Variants in IL1RAP observed in about 807,000 individuals in gnomAD.
IL1RAP encodes the protein interleukin-1 receptor accessory protein.
IL1RAP carries 35 observed loss-of-function variants against 60.7 expected under a neutral mutation model. The ratio of observed to expected loss-of-function variants is 0.58; its 90% CI spans 0.44 to 0.76. The LOEUF is 0.76. Ranked by LOEUF, IL1RAP falls within the 30% of genes least tolerant of loss-of-function variation. The pLI, the probability that IL1RAP is intolerant of heterozygous loss-of-function variation, is 0.00. For synonymous variants in IL1RAP, 268 were observed against 250.9 expected, an observed-to-expected ratio of 1.07 and a Z score of -0.64; for missense variants, 572 against 693.9, an observed-to-expected ratio of 0.82 and a Z score of 1.97.
At chr3:190,562,302 T>C (rs1193265540) in intron 2 of IL1RAP, among the ~76,000 whole-genome samples, 1 of 152,128 alleles carries the variant, frequency 6.6e-6, no homozygotes, top group Non-Finnish European at 1.5e-5. Flanking sequence ...CCTCTTTCCT[T>C]TGCTAATCTT....
At chr3:190,561,283 C>T (rs542505177) in intron 2 of IL1RAP, among the ~76,000 whole-genome samples, 1 of 152,320 alleles carries the variant, frequency 6.6e-6, no homozygotes, top group South Asian at 2.1e-4. Flanking sequence ...CCAGCATTCT[C>T]TGAGAGGTTT....
intron 3 of IL1RAP, among the ~76,000 whole-genome samples, chr3:190,594,662 ACT>A (rs1729231880): frequency 6.6e-6 from 1 of 152,206 alleles, no homozygotes; most frequent in Non-Finnish European, 1.5e-5. Flanking sequence ...TATGTGCCTA[ACT>A]GAAAGTCCCC....
intron 1 of IL1RAP, chr3:190,518,463 A>G (rs1210009274): frequency 6.6e-6 from 1 of 152,194 alleles, no homozygotes; most frequent in Non-Finnish European, 1.5e-5. Flanking sequence ...TATCTTAAAT[A>G]TATCATCTCA....
intron 1 of IL1RAP, among the ~76,000 whole-genome samples, chr3:190,555,184 T>C (rs1215376211): frequency 6.6e-6 from 1 of 152,158 alleles, no homozygotes; most frequent in Non-Finnish European, 1.5e-5. Flanking sequence ...GGTGACTGGA[T>C]CTTAGTCCAC....
chr3:190,540,977 G>C (rs142041252), intron 1 of IL1RAP, among the ~76,000 whole-genome samples: 10 of 152,164 alleles, frequency 6.6e-5, no homozygotes, highest in African/African-American at 2.2e-4. Context: ...AACTTTACCT[G>C]GTAATTGAGG....
At chr3:190,636,855 C>G (rs1054152299) in intron 9 of IL1RAP, among the ~76,000 whole-genome samples, 11 of 151,934 alleles carry the variant, frequency 7.2e-5, no homozygotes, top group African/African-American at 2.4e-4. Context: ...TGTTGTCCAC[C>G]TGTCTTTATT....
Position 190,620,288 on chromosome 3 carries a change from T to C in IL1RAP, c.551T>C (p.Ile184Thr). 1 of 1,536,774 alleles carries C rather than the reference T, an allele frequency of 6.5e-7. No homozygotes were observed. The highest frequency in any genetic ancestry group is 8.9e-7 in the Non-Finnish European group (1 of 1,128,820). Residue 184 changes from isoleucine to threonine, a missense_variant, in exon 6 of 12, where the codon ATA becomes ACA. Coordinates refer to ENST00000447382, the MANE Select transcript of IL1RAP (RefSeq NM_002182.4). ...TACTTTTTCTAGGGCTGTTATAAAA[T>C]ACAGAATTTTAATAATGTAATACCC... ...TITWYMGCYK[I>T]QNFNNVIPEG...
chr3:190,657,520 G>C (rs1734654633), exon 12 of IL1RAP: 1 of 152,030 alleles, frequency 6.6e-6, no homozygotes, highest in South Asian at 2.1e-4. Context: ...TTCTGAGAAG[G>C]GATAATAAAT....
At chr3:190,593,952 A>G (rs1180052045) in intron 3 of IL1RAP, among the ~76,000 whole-genome samples, 1 of 152,258 alleles carries the variant, frequency 6.6e-6, no homozygotes, top group Non-Finnish European at 1.5e-5. Context: ...TTGAGGAACA[A>G]AAAGAATATA....
At chr3:190,638,748 G>T (rs1167223486) in intron 9 of IL1RAP, among the ~76,000 whole-genome samples, 1 of 151,848 alleles carries the variant, frequency 6.6e-6, no homozygotes, top group Non-Finnish European at 1.5e-5. Flanking sequence ...TTCATGAATG[G>T]TGTGTAGTAG....
At chr3:190,618,689 A>C (rs564388002) in intron 5 of IL1RAP, among the ~76,000 whole-genome samples, 12 of 152,242 alleles carry the variant, frequency 7.9e-5, no homozygotes, top group Non-Finnish European at 1.8e-4. Context: ...AATCTGACAT[A>C]AACTTATAAG....
chr3:190,520,324 G>T (rs747488655), intron 1 of IL1RAP, among the ~76,000 whole-genome samples: 40 of 152,166 alleles, frequency 2.6e-4, no homozygotes, highest in Admixed American at 7.2e-4. Flanking sequence ...TTTATCAATA[G>T]TATTAGTTGT....
chr3:190,534,273 AT>A (rs11402455), intron 1 of IL1RAP, among the ~76,000 whole-genome samples: 194 of 146,446 alleles, frequency 1.3e-3, no homozygotes, highest in Non-Finnish European at 1.7e-3. Context: ...AGCCCACTTC[AT>A]TTTTTTTTTT....
At chr3:190,571,181 G>T (rs573489425) in intron 3 of IL1RAP, among the ~76,000 whole-genome samples, 1 of 151,988 alleles carries the variant, frequency 6.6e-6, no homozygotes. Context: ...ATTATGGTGG[G>T]TTTTATTTTT....
At chr3:190,557,561 G>C (rs999986614) in intron 2 of IL1RAP, among the ~76,000 whole-genome samples, 1 of 152,122 alleles carries the variant, frequency 6.6e-6, no homozygotes, top group African/African-American at 2.4e-5. Context: ...TAGCAGTACT[G>C]GCTTGGTAAG....
intron 3 of IL1RAP, among the ~76,000 whole-genome samples, chr3:190,580,216 T>C (rs553991345): frequency 6.6e-6 from 1 of 152,358 alleles, no homozygotes; most frequent in African/African-American, 2.4e-5. Flanking sequence ...ATATACCTAT[T>C]TGAGGTATTT....
At chr3:190,568,140 A>C (rs1206327612) in intron 3 of IL1RAP, among the ~76,000 whole-genome samples, 2 of 152,242 alleles carry the variant, frequency 1.3e-5, no homozygotes, top group Non-Finnish European at 2.9e-5. Context: ...ATGCAGGCAC[A>C]CACACGGATC....
chr3:190,538,917 C>T (rs569424717), intron 1 of IL1RAP, among the ~76,000 whole-genome samples: 4 of 152,234 alleles, frequency 2.6e-5, no homozygotes, highest in South Asian at 2.1e-4. Flanking sequence ...GTTTGCTTTC[C>T]CTTCCTCCAT....
chr3:190,514,295 C>T (rs1163941397), intron 1 of IL1RAP, 76 bp downstream of exon 1: 1 of 152,200 alleles, frequency 6.6e-6, no homozygotes, highest in Non-Finnish European at 1.5e-5. Context: ...TCTTAGAGAT[C>T]CTATCGTTAA....
Sources: allele counts gnomAD v4.1 joint callset (sites outside exome capture counted in the v4.1 genomes callset), GRCh38; gene constraint gnomAD v4.1.1; transcripts MANE v1.5; gene names NCBI Gene and HGNC (gene_info 2026-07-23, HGNC 2026-07-21).